Variants in OR5D14 observed in about 807,000 individuals in gnomAD.
OR5D14 encodes olfactory receptor 5D14.
For synonymous variants in OR5D14, 187 were observed against 138.2 expected (o/e 1.35, Z -2.48); for missense variants, 466 against 375.5 (o/e 1.24, Z -1.99).
chr11:55,796,177 A>G lies in OR5D14; in HGVS notation c.622A>G (p.Asn208Asp). Residue 208 changes from asparagine to aspartate, a missense_variant, in exon 1 of 1, where the codon AAT (asparagine) becomes GAT (aspartate). Coordinates refer to ENST00000335605, the MANE Select transcript of OR5D14 (RefSeq NM_001004735.1). ...GCTGCTTTTCAGCTTCGCCACCTTC[A>G]ATGAGATGTGTACACTACTGATCAT... is the stretch of plus-strand genomic sequence containing the variant. ...HLLLFSFATF[N>D]EMCTLLIILT... 1 of 1,613,812 alleles carries G rather than the reference A, an allele frequency of 6.2e-7. No homozygotes were observed. Among genetic ancestry groups the G allele is most frequent in the Non-Finnish European group, 8.5e-7 (1 of 1,179,970 alleles).
Position 55,795,763 on chromosome 11 carries a change from T to G in OR5D14, c.208T>G (p.Phe70Val). 1.2e-6 allele frequency: 2 copies of G among 1,613,060 alleles called. No homozygotes were observed. The highest frequency in any genetic ancestry group is 1.7e-6 in the Non-Finnish European group (2 of 1,179,278). ...GTACTTTTTCCTTAGTCACCTCTCT[T>G]TTGTTGATTTTTGTTACTCTTCCAT... ...PMYFFLSHLSFVDFCYSSIVT... is the reference protein window; with the variant it reads ...PMYFFLSHLSVVDFCYSSIVT... Residue 70 changes from phenylalanine (F) to valine (V), a missense_variant, in exon 1 of 1, where the codon TTT (phenylalanine) becomes GTT (valine). By Grantham distance (50) the Phe-to-Val change is conservative. Transcript: ENST00000335605.
Position 55,795,966 on chromosome 11 carries a change from C to A in OR5D14, c.411C>A (p.Ala137=). The A allele has an allele frequency of 6.2e-7, 1 of 1,613,878 alleles. No homozygotes were observed. Among genetic ancestry groups the A allele is most frequent in the Non-Finnish European group, 8.5e-7 (1 of 1,180,012 alleles). ...GCAATCCTCTGCTTTATACAGTGGC[C>A]ATGTCACAGAGGCTCTGTGCCCTGC... The part of the protein sequence containing the change: ...AICNPLLYTV[A]MSQRLCALLV... The change falls in exon 1 of 1, where the codon GCC becomes GCA. Residue 137 remains alanine, a synonymous_variant. Transcript: ENST00000335605.
rs775233626 is a variant in OR5D14 at position 55,796,073 on chromosome 11, C to T, written c.518C>T (p.Pro173Leu). Residue 173 changes from proline to leucine, a missense_variant, in exon 1 of 1, where the codon CCT becomes CTT. Transcript: ENST00000335605. ...CYALRLNFSG[P>L]NVINHFFCEY... ...GCTCTCCGGTTAAACTTCTCTGGAC[C>T]TAATGTAATCAACCACTTCTTTTGT... 2.5e-6 allele frequency: 4 copies of T among 1,613,950 alleles called. No individual in the cohort carries two copies. The highest frequency in any genetic ancestry group is 2.7e-5 in the African/African-American group (2 of 74,874).
chr11:55,796,072 C>T lies in OR5D14; in HGVS notation c.517C>T (p.Pro173Ser), dbSNP rs1303243321. 1 of 1,613,960 alleles carries T rather than the reference C, an allele frequency of 6.2e-7. No individual in the cohort carries two copies. Among genetic ancestry groups the T allele is most frequent in the South Asian group, 1.1e-5 (1 of 91,088 alleles). ...CYALRLNFSGPNVINHFFCEY... is the reference protein window; with the variant it reads ...CYALRLNFSGSNVINHFFCEY... ...TGCTCTCCGGTTAAACTTCTCTGGACCTAATGTAATCAACCACTTCTTTTG... is the reference window on the plus strand; with the variant it reads ...TGCTCTCCGGTTAAACTTCTCTGGATCTAATGTAATCAACCACTTCTTTTG... Residue 173 changes from proline to serine, a missense_variant, in exon 1 of 1, where the codon CCT (proline) becomes TCT (serine). Transcript: ENST00000335605.
chr11:55,796,371 A>T lies in OR5D14; in HGVS notation c.816A>T (p.Thr272=). Residue 272 remains threonine (T), a synonymous_variant, in exon 1 of 1, where the codon ACA becomes ACT. Transcript: ENST00000335605. The part of the protein sequence containing the change: ...CVPNSKNSRQ[T]VKVASVFYTV... Reference sequence around the variant, plus strand: ...CCAACTCCAAAAACTCTCGGCAAACAGTCAAAGTGGCCTCTGTATTTTACA... The same window carrying T: ...CCAACTCCAAAAACTCTCGGCAAACTGTCAAAGTGGCCTCTGTATTTTACA... 6.2e-7 allele frequency: 1 copy of T among 1,613,868 alleles called. No individual in the cohort carries two copies. Among genetic ancestry groups the T allele is most frequent in the Non-Finnish European group, 8.5e-7 (1 of 1,179,908 alleles).
In OR5D14 at chr11:55,796,070, G is replaced by T; in HGVS notation, c.515G>T (p.Gly172Val). ...TATGCTCTCCGGTTAAACTTCTCTG[G>T]ACCTAATGTAATCAACCACTTCTTT... is the stretch of plus-strand genomic sequence containing the variant. Reference protein sequence around the residue: ...LCYALRLNFSGPNVINHFFCE... With the variant: ...LCYALRLNFSVPNVINHFFCE... Residue 172 changes from glycine (G) to valine (V), a missense_variant, in exon 1 of 1, where the codon GGA (glycine) becomes GTA (valine). Coordinates refer to ENST00000335605, the MANE Select transcript of OR5D14 (RefSeq NM_001004735.1). The T allele has an allele frequency of 6.2e-7, 1 of 1,613,846 alleles. No homozygotes were observed.
Position 55,795,710 on chromosome 11 carries a change from A to C in OR5D14, c.155A>C (p.Lys52Thr). ...AACCTTGGGATGATCATAATAATCA[A>C]GATTAACCCCAAATTTCACACTCCT... ...VGNLGMIIIIKINPKFHTPMY... is the reference protein window; with the variant it reads ...VGNLGMIIIITINPKFHTPMY... The change falls in exon 1 of 1, where the codon AAG (lysine) becomes ACG (threonine). Residue 52 changes from lysine to threonine, a missense_variant. By Grantham distance (78) the Lys-to-Thr change is moderately conservative. Transcript: ENST00000335605. The C allele has an allele frequency of 2.5e-6, 4 of 1,613,510 alleles. No individual in the cohort carries two copies. Among genetic ancestry groups the C allele is most frequent in the Non-Finnish European group, 3.4e-6 (4 of 1,179,648 alleles).
chr11:55,795,602 T>C lies in OR5D14; in HGVS notation c.47T>C (p.Leu16Pro). 3 of 1,610,294 alleles carry C rather than the reference T, an allele frequency of 1.9e-6. No homozygotes were observed. The highest frequency in any genetic ancestry group is 2.5e-6 in the Non-Finnish European group (3 of 1,178,448). ...CTGAGCATGGAGCCCACCTTTGCCCTTTTAGGTTTCACAGATTACCCAAAG... is the reference window on the plus strand; with the variant it reads ...CTGAGCATGGAGCCCACCTTTGCCCCTTTAGGTTTCACAGATTACCCAAAG... The part of the protein sequence containing the change: ...RNLSMEPTFA[L>P]LGFTDYPKLQ... Residue 16 changes from leucine (L) to proline (P), a missense_variant, in exon 1 of 1, where the codon CTT becomes CCT. Transcript: ENST00000335605.
chr11:55,795,895 T>C lies in OR5D14; in HGVS notation c.340T>C (p.Ser114Pro). 1 of 1,613,726 alleles carries C rather than the reference T, an allele frequency of 6.2e-7. No individual in the cohort carries two copies. The highest frequency in any genetic ancestry group is 1.1e-5 in the South Asian group (1 of 91,066). The part of the protein sequence containing the change: ...FLSCTAVVTE[S>P]FLLAVMAYDR... ...GTCCTGCACTGCTGTGGTGACAGAGTCTTTCTTGCTGGCAGTGATGGCCTA... is the reference window on the plus strand; with the variant it reads ...GTCCTGCACTGCTGTGGTGACAGAGCCTTTCTTGCTGGCAGTGATGGCCTA... Residue 114 changes from serine (S) to proline (P), a missense_variant, in exon 1 of 1, where the codon TCT becomes CCT. Ser to Pro is a moderately conservative substitution (Grantham distance 74, BLOSUM62 -1). Coordinates refer to ENST00000335605, the MANE Select transcript of OR5D14 (RefSeq NM_001004735.1).
Position 55,796,111 on chromosome 11 carries a change from C to T in OR5D14, c.556C>T (p.Leu186Phe). 3 of 1,613,958 alleles carry T rather than the reference C, an allele frequency of 1.9e-6. No individual in the cohort carries two copies. The highest frequency in any genetic ancestry group is 8.5e-7 in the Non-Finnish European group (1 of 1,179,974). ...CCACTTCTTTTGTGAGTATACTGCT[C>T]TCATCTCTGTGTCTGGCTCTGATAT... is the stretch of plus-strand genomic sequence containing the variant. ...INHFFCEYTA[L>F]ISVSGSDILI... Residue 186 changes from leucine to phenylalanine, a missense_variant, in exon 1 of 1, where the codon CTC becomes TTC. Leu to Phe is a conservative substitution (Grantham distance 22). Transcript: ENST00000335605.
chr11:55,796,168 G>C lies in OR5D14; in HGVS notation c.613G>C (p.Ala205Pro). Residue 205 changes from alanine to proline, a missense_variant, in exon 1 of 1, where the codon GCC (alanine) becomes CCC (proline). Transcript: ENST00000335605. ...LIPHLLLFSF[A>P]TFNEMCTLLI... ...CCCCCACCTGCTGCTTTTCAGCTTC[G>C]CCACCTTCAATGAGATGTGTACACT... is the stretch of plus-strand genomic sequence containing the variant. 2 of 1,613,670 alleles carry C rather than the reference G, an allele frequency of 1.2e-6. No individual in the cohort carries two copies. The highest frequency in any genetic ancestry group is 8.5e-7 in the Non-Finnish European group (1 of 1,179,900).
rs1366209297 is a variant in OR5D14, at chr11:55,795,616, G to A, written c.61G>A (p.Asp21Asn). 1.9e-6 allele frequency: 3 copies of A among 1,612,262 alleles called. No individual in the cohort carries two copies. ...EPTFALLGFTDYPKLQIPLFL... is the reference protein window; with the variant it reads ...EPTFALLGFTNYPKLQIPLFL... ...CACCTTTGCCCTTTTAGGTTTCACA[G>A]ATTACCCAAAGCTTCAGATTCCTCT... is the stretch of plus-strand genomic sequence containing the variant. Residue 21 changes from aspartate to asparagine, a missense_variant, in exon 1 of 1, where the codon GAT becomes AAT. Physicochemically the swap from Asp to Asn is conservative, Grantham distance 23. Transcript: ENST00000335605.
chr11:55,796,415 T>C lies in OR5D14; in HGVS notation c.860T>C (p.Leu287Pro). ...TTTTACACAGTTGTCAACCCCATGC[T>C]GAACCCTCTGATCTACAGCCTAAGG... ...SVFYTVVNPM[L>P]NPLIYSLRNK... Residue 287 changes from leucine to proline, a missense_variant, in exon 1 of 1, where the codon CTG (leucine) becomes CCG (proline). Transcript: ENST00000335605. 1.2e-6 allele frequency: 2 copies of C among 1,613,830 alleles called. No homozygotes were observed. The highest frequency in any genetic ancestry group is 1.7e-6 in the Non-Finnish European group (2 of 1,179,894).
In OR5D14 at chr11:55,796,491, A is replaced by G. The variant is rs1197847223; in HGVS notation, c.936A>G (p.Pro312=). 1 of 1,590,078 alleles carries G rather than the reference A, an allele frequency of 6.3e-7. No homozygotes were observed. Among genetic ancestry groups the G allele is most frequent in the Non-Finnish European group, 8.6e-7 (1 of 1,167,944 alleles). ...GGAAGTTAATACATACACAAGTTCC[A>G]TTTCACTGAACCAGTCTCAAAAGTT... The part of the protein sequence containing the change: ...AFWKLIHTQV[P]FH Residue 312 remains proline, a synonymous_variant, in exon 1 of 1, where the codon CCA becomes CCG. Transcript: ENST00000335605.
In OR5D14 at chr11:55,796,457, A is replaced by G. The variant is rs781684176; in HGVS notation, c.902A>G (p.Asp301Gly). The part of the protein sequence containing the change: ...IYSLRNKDVK[D>G]AFWKLIHTQV... ...AGCCTAAGGAATAAAGACGTGAAGG[A>G]TGCTTTCTGGAAGTTAATACATACA... Residue 301 changes from aspartate to glycine, a missense_variant, in exon 1 of 1, where the codon GAT becomes GGT. Asp to Gly is a moderately conservative substitution (Grantham distance 94, BLOSUM62 -1). Coordinates refer to ENST00000335605, the MANE Select transcript of OR5D14 (RefSeq NM_001004735.1). 1 of 1,611,696 alleles carries G rather than the reference A, an allele frequency of 6.2e-7. No homozygotes were observed. The highest frequency in any genetic ancestry group is 1.1e-5 in the South Asian group (1 of 90,902).
chr11:55,795,598 G>T lies in OR5D14; in HGVS notation c.43G>T (p.Ala15Ser). 1 of 1,610,068 alleles carries T rather than the reference G, an allele frequency of 6.2e-7. No homozygotes were observed. Among genetic ancestry groups the T allele is most frequent in the Non-Finnish European group, 8.5e-7 (1 of 1,178,602 alleles). Residue 15 changes from alanine (A) to serine (S), a missense_variant, in exon 1 of 1, where the codon GCC becomes TCC. Coordinates refer to ENST00000335605, the MANE Select transcript of OR5D14 (RefSeq NM_001004735.1). The part of the protein sequence containing the change: ...LRNLSMEPTF[A>S]LLGFTDYPKL... ...GAATCTGAGCATGGAGCCCACCTTT[G>T]CCCTTTTAGGTTTCACAGATTACCC...
Position 55,796,354 on chromosome 11 carries a change from A to G in OR5D14, c.799A>G (p.Lys267Glu). The G allele has an allele frequency of 6.2e-7, 1 of 1,613,708 alleles. No individual in the cohort carries two copies. ...TTTCCTTTACTGTGTACCCAACTCCAAAAACTCTCGGCAAACAGTCAAAGT... is the reference window on the plus strand; with the variant it reads ...TTTCCTTTACTGTGTACCCAACTCCGAAAACTCTCGGCAAACAGTCAAAGT... Reference protein sequence around the residue: ...ILFLYCVPNSKNSRQTVKVAS... With the variant: ...ILFLYCVPNSENSRQTVKVAS... The change falls in exon 1 of 1, where the codon AAA becomes GAA. Residue 267 changes from lysine (K) to glutamate (E), a missense_variant. Lys to Glu is a moderately conservative substitution (Grantham distance 56). Transcript: ENST00000335605.
chr11:55,795,747 C>T lies in OR5D14; in HGVS notation c.192C>T (p.Phe64=), dbSNP rs1456845522. The stretch of plus-strand genomic sequence containing the variant: ...AATTTCACACTCCTATGTACTTTTT[C>T]CTTAGTCACCTCTCTTTTGTTGATT... ...NPKFHTPMYF[F]LSHLSFVDFC... is the part of the protein sequence containing the mutation. Residue 64 remains phenylalanine (F), a synonymous_variant, in exon 1 of 1, where the codon TTC becomes TTT. Coordinates refer to ENST00000335605, the MANE Select transcript of OR5D14 (RefSeq NM_001004735.1). 25 of 1,612,840 alleles carry T rather than the reference C, an allele frequency of 1.6e-5. No individual in the cohort carries two copies. The highest frequency in any genetic ancestry group is 2.0e-5 in the Non-Finnish European group (24 of 1,179,428).
chr11:55,796,410 C>T lies in OR5D14; in HGVS notation c.855C>T (p.Pro285=). 1 of 1,613,762 alleles carries T rather than the reference C, an allele frequency of 6.2e-7. No individual in the cohort carries two copies. Among genetic ancestry groups the T allele is most frequent in the Non-Finnish European group, 8.5e-7 (1 of 1,179,852 alleles). Residue 285 remains proline, a synonymous_variant, in exon 1 of 1, where the codon CCC becomes CCT. Transcript: ENST00000335605. ...VASVFYTVVN[P]MLNPLIYSLR... ...CTGTATTTTACACAGTTGTCAACCC[C>T]ATGCTGAACCCTCTGATCTACAGCC...
Sources: gnomAD v4.1 joint callset for allele counts on GRCh38, gnomAD v4.1.1 for gene constraint, MANE v1.5 for transcripts, NCBI Gene and HGNC (gene_info 2026-07-23, HGNC 2026-07-21) for gene names.